CYREN: variants seen among roughly 807,000 people sequenced by gnomAD.
CYREN encodes the protein cell cycle regulator of NHEJ.
CYREN carries 7 observed loss-of-function variants against 9.7 expected under a neutral mutation model. The observed-to-expected ratio is 0.72, with a 90% CI of 0.41 to 1.36. The LOEUF is 1.36. CYREN is among the 40% of genes most tolerant of loss of function. The pLI is 0.01. For missense variants in CYREN, 215 were observed against 198.1 expected (o/e 1.09, Z -0.51); for synonymous variants, 76 against 77.9 (o/e 0.98, Z 0.13).
upstream of CYREN, among the ~76,000 whole-genome samples, chr7:135,171,441 C>T (rs147548340): frequency 0.032 from 4,824 of 152,102 alleles, 241 homozygotes; most frequent in African/African-American, 0.11. Context: ...ACTTAGAAAC[C>T]GATGTTATTC....
At chr7:135,167,860 G>T in intron 2 of CYREN, 53 bp from the exon 3 acceptor site, 1 of 1,612,538 alleles carries the variant, frequency 6.2e-7, no homozygotes, top group Non-Finnish European at 8.5e-7. Context: ...AGTCTCATAA[G>T]GGCAAAGAGA....
intron 2 of CYREN, among the ~76,000 whole-genome samples, chr7:135,096,386 G>T (rs76038200): frequency 7.0e-6 from 1 of 142,508 alleles, no homozygotes; most frequent in East Asian, 2.3e-4. Flanking sequence ...AGACAGAGAA[G>T]GAAGGAAGGG....
At chr7:135,101,341 CATT>C (rs998213771) in intron 2 of CYREN, 8 of 437,178 alleles carry the variant, frequency 1.8e-5, no homozygotes, top group South Asian at 9.8e-5. Context: ...ACTATATCAT[CATT>C]AACATATCCT....
At chr7:135,124,869 T>C (rs867265151) in intron 2 of CYREN, among the ~76,000 whole-genome samples, 37 of 152,314 alleles carry the variant, frequency 2.4e-4, no homozygotes, top group Middle Eastern at 3.4e-3. Context: ...AGAGACAATG[T>C]ACCACAATCT....
At chr7:135,161,691 T>C (rs1829943318), downstream of CYREN, among the ~76,000 whole-genome samples, 1 of 152,172 alleles carries the variant, frequency 6.6e-6, no homozygotes, top group African/African-American at 2.4e-5. The surrounding 1 kb of genome is among the most constrained non-coding windows in gnomAD (Gnocchi z 4.1). Context: ...AATAATTCCT[T>C]CCGTAACAAG....
chr7:135,100,522 C>A lies in CYREN; in HGVS notation n.357-5940G>T, dbSNP rs115922255. On this transcript the variant is annotated intron_variant and non_coding_transcript_variant, in intron 2 of 2. Transcript: ENST00000459937. ...AACTAGATTTGTACAACAGAGAGAC[C>A]ATGGTATATCCTCTCTTCCTTCCTG... Among the ~76,000 whole-genome samples, 234 of 152,162 alleles carry A rather than the reference C, an allele frequency of 1.5e-3. 1 individual carries two copies. The highest frequency in any genetic ancestry group is 5.4e-3 in the African/African-American group (226 of 41,518).
chr7:135,147,048 T>C (rs1201718259), intron 2 of CYREN, among the ~76,000 whole-genome samples: 1 of 152,198 alleles, frequency 6.6e-6, no homozygotes, highest in Non-Finnish European at 1.5e-5. Flanking sequence ...AGACTAAATA[T>C]ACAGAAATTC....
intron 2 of CYREN, among the ~76,000 whole-genome samples, chr7:135,109,002 G>A (rs1279407109): frequency 6.6e-6 from 1 of 152,150 alleles, no homozygotes; most frequent in Non-Finnish European, 1.5e-5. Context: ...GTTGTGTTGT[G>A]AAATTCTTGT....
chr7:135,159,584 G>C (rs1037677925), intron 2 of CYREN, among the ~76,000 whole-genome samples: 7 of 152,192 alleles, frequency 4.6e-5, no homozygotes, highest in African/African-American at 7.2e-5. Flanking sequence ...TGCTGACCTG[G>C]AATCTAAATC....
intron 1 of CYREN, 66 bp from the exon 2 acceptor site, chr7:135,169,126 G>A: frequency 1.8e-6 from 1 of 543,882 alleles, no homozygotes; most frequent in Non-Finnish European, 3.2e-6. Context: ...TTACTGGTCG[G>A]TGCAGGGCAG....
intron 2 of CYREN, among the ~76,000 whole-genome samples, chr7:135,154,773 G>A (rs1829747950): frequency 6.6e-6 from 1 of 152,168 alleles, no homozygotes; most frequent in Admixed American, 6.5e-5. Context: ...CCTTACATGT[G>A]ATCTATCTTG....
intron 2 of CYREN, among the ~76,000 whole-genome samples, chr7:135,123,445 T>C (rs1022723292): frequency 3.9e-5 from 6 of 152,094 alleles, no homozygotes; most frequent in Admixed American, 6.5e-5. Context: ...AGACGGAGAA[T>C]GGAAACAAGT....
rs556226755 is a variant in CYREN at position 135,107,698 on chromosome 7, T to C, written n.357-13116A>G. 9.1e-4 allele frequency among the ~76,000 whole-genome samples: 139 copies of C among 152,348 alleles called. 1 individual carries two copies. Among genetic ancestry groups the C allele is most frequent in the African/African-American group, 3.2e-3 (131 of 41,586 alleles). On this transcript the variant is annotated intron_variant and non_coding_transcript_variant, in intron 2 of 2. Coordinates refer to the CYREN transcript ENST00000459937. ...GAGAAGAATGTATATTCTGTTGATT[T>C]AGGATGGAGAGTTCTGTAGATGTCT...
rs111787262 is a variant in CYREN at position 135,111,641 on chromosome 7, A to G, written n.357-17059T>C. On this transcript the variant is annotated intron_variant and non_coding_transcript_variant, in intron 2 of 2. Coordinates refer to the CYREN transcript ENST00000459937. The stretch of plus-strand genomic sequence containing the variant: ...ATAGCTCAATGAATATCTGAGTGTC[A>G]TATCTGTGACACTACTCTCTCCTGG... Among the ~76,000 whole-genome samples, 316 of 152,070 alleles carry G rather than the reference A, an allele frequency of 2.1e-3. 1 individual carries two copies. Among genetic ancestry groups the G allele is most frequent in the African/African-American group, 7.2e-3 (300 of 41,468 alleles).
intron 2 of CYREN, among the ~76,000 whole-genome samples, chr7:135,107,646 A>G (rs955470107): frequency 7.2e-5 from 11 of 152,132 alleles, no homozygotes; most frequent in Admixed American, 2.6e-4. Context: ...TGTGTAGTCA[A>G]TTTTAGAGTA....
intron 2 of CYREN, among the ~76,000 whole-genome samples, chr7:135,131,944 C>G (rs1218123064): frequency 2.0e-5 from 3 of 152,022 alleles, no homozygotes; most frequent in Admixed American, 6.5e-5. Flanking sequence ...GGATTATTTC[C>G]TCAATAAAAT....
At chr7:135,105,048 T>C (rs1420605666) in intron 2 of CYREN, among the ~76,000 whole-genome samples, 1 of 150,514 alleles carries the variant, frequency 6.6e-6, no homozygotes. Flanking sequence ...AGGGTTTTTA[T>C]AGTTTTGGGT....
At chr7:135,095,963 C>A (rs1585080064) in intron 2 of CYREN, among the ~76,000 whole-genome samples, 1 of 152,216 alleles carries the variant, frequency 6.6e-6, no homozygotes, top group South Asian at 2.1e-4. Context: ...ATCAGCCTGG[C>A]CAACATGGTG....
At chr7:135,163,707 A>G (rs1042960475), downstream of CYREN, among the ~76,000 whole-genome samples, 1 of 152,260 alleles carries the variant, frequency 6.6e-6, no homozygotes, top group Non-Finnish European at 1.5e-5. Context: ...ATTGTCAGGA[A>G]AAAATATGTA....
Sources: gnomAD v4.1 joint callset for allele counts (sites outside exome capture counted in the v4.1 genomes callset) on GRCh38, gnomAD v4.1.1 for gene constraint, Gnocchi (gnomAD v3.1) non-coding constraint, MANE v1.5 for transcripts, NCBI Gene and HGNC (gene_info 2026-07-23, HGNC 2026-07-21) for gene names.